The following RYR2 variants were observed in gnomAD, a reference collection of about 807,000 sequenced individuals.
The protein encoded by RYR2 is cardiac muscle ryanodine receptor-calcium release channel.
In RYR2, 227 loss-of-function variants were observed where a neutral mutation model predicts 601.1. The ratio of observed to expected loss-of-function variants is 0.38; its 90% CI spans 0.34 to 0.42. The LOEUF (loss-of-function observed/expected upper bound fraction) is 0.42. RYR2 is among the 10% of genes least tolerant of loss of function. RYR2 has a pLI of 1.00. For synonymous variants in RYR2, 2,223 were observed against 2,175.1 expected, an observed-to-expected ratio of 1.02 and a Z score of -0.61; for missense variants, 4,646 against 6,156.5, an observed-to-expected ratio of 0.75 and a Z score of 8.21.
chr1:237,209,373 A>G (rs922562206), intron 1 of RYR2, among the ~76,000 whole-genome samples: 4 of 152,096 alleles, frequency 2.6e-5, no homozygotes, highest in Non-Finnish European at 5.9e-5. Flanking sequence ...TTATCCATTA[A>G]CAGATAAATG....
intron 1 of RYR2, among the ~76,000 whole-genome samples, chr1:237,165,451 A>G (rs1161335112): frequency 6.6e-6 from 1 of 152,222 alleles, no homozygotes; most frequent in Non-Finnish European, 1.5e-5. Flanking sequence ...GTGAATTACA[A>G]ATTTTTGAGA....
chr1:237,316,759 A>G (rs1479550605), intron 2 of RYR2, among the ~76,000 whole-genome samples: 1 of 151,906 alleles, frequency 6.6e-6, no homozygotes, highest in Non-Finnish European at 1.5e-5. Flanking sequence ...TCTTAGCTGT[A>G]TTTTATTTTT....
chr1:237,189,731 T>C lies in RYR2; in HGVS notation c.49-80766T>C, dbSNP rs114657037. Among the ~76,000 whole-genome samples, 812 of 152,274 alleles carry C rather than the reference T, an allele frequency of 5.3e-3. 8 individuals are homozygous for C. Among genetic ancestry groups the C allele is most frequent in the South Asian group, 0.03 (143 of 4,828 alleles). ...CAGTGAGGTCTCTAATTGTGAAAAA[T>C]AAATGTGTGTTGTGTGTAAGCCGCC... is the stretch of plus-strand genomic sequence containing the variant. On this transcript the variant is annotated intron_variant, in intron 1 of 104. Coordinates refer to ENST00000366574, the MANE Select transcript of RYR2 (RefSeq NM_001035.3).
chr1:237,206,087 G>A (rs1448013721), intron 1 of RYR2, among the ~76,000 whole-genome samples: 1 of 152,214 alleles, frequency 6.6e-6, no homozygotes, highest in Admixed American at 6.5e-5. Flanking sequence ...GACTTCAAGA[G>A]GCAGAAGCCG....
At chr1:237,331,798 G>A (rs564882778) in intron 3 of RYR2, among the ~76,000 whole-genome samples, 2 of 152,146 alleles carry the variant, frequency 1.3e-5, no homozygotes, top group African/African-American at 2.4e-5. Flanking sequence ...ACAGGCGTGA[G>A]CCACCGCGCC....
intron 10 of RYR2, among the ~76,000 whole-genome samples, chr1:237,410,052 A>G (rs1025718915): frequency 2.0e-5 from 3 of 152,138 alleles, no homozygotes; most frequent in Admixed American, 1.3e-4. Flanking sequence ...TCATTTCCCC[A>G]TTGCTCTAAA....
At chr1:237,600,724 A>G (rs555340765) in intron 34 of RYR2, among the ~76,000 whole-genome samples, 22 of 152,354 alleles carry the variant, frequency 1.4e-4, no homozygotes, top group East Asian at 9.6e-4. Flanking sequence ...CAATATCCAG[A>G]ATATATAAGG....
intron 8 of RYR2, among the ~76,000 whole-genome samples, chr1:237,380,346 T>G (rs1319353629): frequency 8.9e-6 from 1 of 112,830 alleles, no homozygotes; most frequent in Non-Finnish European, 1.8e-5. Context: ...ACACTTGCCT[T>G]GTAGAATACA....
chr1:237,115,326 G>A (rs1040368010), intron 1 of RYR2, among the ~76,000 whole-genome samples: 4 of 152,090 alleles, frequency 2.6e-5, no homozygotes, highest in Non-Finnish European at 5.9e-5. Context: ...CAAGAAGCAC[G>A]GTCTTTGATA....
At chr1:237,530,265 C>A (rs544144534) in intron 24 of RYR2, among the ~76,000 whole-genome samples, 162 bp from the exon 25 acceptor site, 32 of 151,304 alleles carry the variant, frequency 2.1e-4, no homozygotes, top group African/African-American at 6.3e-4. Context: ...GAGCCGAGAT[C>A]GCGCCACTGC....
chr1:237,819,332 A>G lies in RYR2; in HGVS notation c.14590+140A>G. On this transcript the variant is annotated intron_variant, in intron 101 of 104. Coordinates refer to ENST00000366574, the MANE Select transcript of RYR2 (RefSeq NM_001035.3). The surrounding 1 kb of genome is among the most constrained non-coding windows in gnomAD (Gnocchi z 4.0). The stretch of plus-strand genomic sequence containing the variant: ...AAACTTTTCCTTCCAGTATTTCTTC[A>G]TCATGCAATCTACCGGGGGAAATAT... 2 of 761,238 alleles carry G rather than the reference A, an allele frequency of 2.6e-6. No homozygotes were observed. The highest frequency in any genetic ancestry group is 4.4e-6 in the Non-Finnish European group (2 of 456,388). 47.2% of individuals were successfully genotyped at this position (761,238 alleles called of 1,614,324 possible).
Position 237,593,592 on chromosome 1 carries a change from A to T in RYR2, c.4392A>T (p.Thr1464=). The change falls in exon 33 of 105, where the codon ACA becomes ACT. Residue 1464 remains threonine, a synonymous_variant. Coordinates refer to ENST00000366574, the MANE Select transcript of RYR2 (RefSeq NM_001035.3). ...GCTTTGACTTGGACAGAGTTCGCAC[A>T]GTAACAGTTACTCTAGGAGATGAAA... ...DTGFDLDRVR[T]VTVTLGDEKG... 6.2e-7 allele frequency: 1 copy of T among 1,613,962 alleles called. No homozygotes were observed. Among genetic ancestry groups the T allele is most frequent in the Non-Finnish European group, 8.5e-7 (1 of 1,179,856 alleles).
At chr1:237,206,492 G>T (rs1000447837) in intron 1 of RYR2, among the ~76,000 whole-genome samples, 1 of 152,118 alleles carries the variant, frequency 6.6e-6, no homozygotes, top group Non-Finnish European at 1.5e-5. Context: ...TTTCACACTT[G>T]TTTCTCCATA....
At chr1:237,756,769 G>A (rs950034506) in intron 81 of RYR2, among the ~76,000 whole-genome samples, 2 of 152,184 alleles carry the variant, frequency 1.3e-5, no homozygotes, top group Non-Finnish European at 2.9e-5. Flanking sequence ...ATGTTAGCAG[G>A]AAAGCTGCCA....
chr1:237,703,459 T>C (rs1160806001), intron 66 of RYR2, among the ~76,000 whole-genome samples: 1 of 151,364 alleles, frequency 6.6e-6, no homozygotes, highest in African/African-American at 2.4e-5. Flanking sequence ...TATTTTTCTA[T>C]TCATGTATTG....
intron 29 of RYR2, among the ~76,000 whole-genome samples, chr1:237,575,108 C>A (rs1395761229): frequency 6.6e-6 from 1 of 152,184 alleles, no homozygotes; most frequent in Admixed American, 6.5e-5. Context: ...CATGGCTTGC[C>A]AGCAGGGCAG....
At chr1:237,486,104 A>G (rs147343558) in intron 17 of RYR2, among the ~76,000 whole-genome samples, 34 of 152,324 alleles carry the variant, frequency 2.2e-4, no homozygotes, top group African/African-American at 7.5e-4. Flanking sequence ...AGAGGATTCA[A>G]AAATGACTTC....
chr1:237,333,289 C>T (rs1368501174), intron 3 of RYR2, among the ~76,000 whole-genome samples: 2 of 152,204 alleles, frequency 1.3e-5, no homozygotes, highest in Non-Finnish European at 2.9e-5. Flanking sequence ...AATAGCTCAA[C>T]GGGGTACCGT....
chr1:237,668,619 C>T (rs967791374), intron 58 of RYR2, among the ~76,000 whole-genome samples: 42 of 152,172 alleles, frequency 2.8e-4, no homozygotes, highest in Non-Finnish European at 4.7e-4. Context: ...ATACTATTTT[C>T]GAGCTCAGGG....
Sources: gnomAD v4.1 joint callset for allele counts (sites outside exome capture counted in the v4.1 genomes callset) on GRCh38, gnomAD v4.1.1 for gene constraint, Gnocchi (gnomAD v3.1) non-coding constraint, MANE v1.5 for transcripts, NCBI Gene and HGNC (gene_info 2026-07-23, HGNC 2026-07-21) for gene names.